The following LIPA variants were observed in gnomAD, a reference collection of about 807,000 sequenced individuals.
LIPA encodes the protein lysosomal acid lipase/cholesteryl ester hydrolase.
Under a neutral mutation model 40.6 loss-of-function variants are expected in LIPA, and 26 were observed. That is an observed-to-expected ratio of 0.64 (90% CI 0.47 to 0.89). The LOEUF (loss-of-function observed/expected upper bound fraction) is 0.89. Ranked by LOEUF, LIPA falls within the 40% of genes least tolerant of loss-of-function variation. The pLI is 0.00. For synonymous variants in LIPA, 188 were observed against 168.4 expected (o/e 1.12, Z -0.90); for missense variants, 455 against 479.6 (o/e 0.95, Z 0.48).
chr10:89,410,728 G>A (rs565988159), intron 2 of LIPA, among the ~76,000 whole-genome samples: 1 of 152,360 alleles, frequency 6.6e-6, no homozygotes, highest in South Asian at 2.1e-4. Context: ...ACCTCTGGGG[G>A]AACCCCCATT....
Position 89,219,347 on chromosome 10 carries a change from C to T in LIPA, c.894+3164G>A, listed in dbSNP as rs1218049745. The stretch of plus-strand genomic sequence containing the variant: ...CACTGGAAAACTACACTGGGATGGC[C>T]TTCTTCAAACAGGTGAGAGTACCTG... On this transcript the variant is annotated intron_variant, in intron 8 of 9. Transcript: ENST00000336233. Among the ~76,000 whole-genome samples the T allele has an allele frequency of 3.9e-5, 6 of 152,176 alleles. 1 individual carries two copies. The East Asian group carries it at 1.2e-3, about 29-fold the overall frequency.
chr10:89,364,658 A>C (rs1028573420), intron 2 of LIPA, among the ~76,000 whole-genome samples: 1 of 148,822 alleles, frequency 6.7e-6, no homozygotes, highest in Non-Finnish European at 1.5e-5. Context: ...TATACATATA[A>C]TATATATGTA....
chr10:89,290,488 A>G (rs992690377), intron 1 of LIPA, among the ~76,000 whole-genome samples: 1 of 151,536 alleles, frequency 6.6e-6, no homozygotes, highest in African/African-American at 2.5e-5. Flanking sequence ...TATTAATATA[A>G]GAAGACAGGA....
chr10:89,384,665 G>A lies in LIPA; in HGVS notation c.61+28126C>T, dbSNP rs376132564. ...CTTGGGCTTATCCACAAATTGAAAG[G>A]AGAAGTAAGTGATGCTTTGCTGTGC... On this transcript the variant is annotated intron_variant, in intron 2 of 8. Coordinates refer to the LIPA transcript ENST00000371837. 3.8e-5 allele frequency: 61 copies of A among 1,614,090 alleles called. No individual in the cohort carries two copies. Among genetic ancestry groups the A allele is most frequent in the Non-Finnish European group, 4.7e-5 (55 of 1,180,038 alleles).
intron 2 of LIPA, among the ~76,000 whole-genome samples, chr10:89,374,104 CT>C (rs1046902314): frequency 2.0e-5 from 3 of 152,314 alleles, no homozygotes; most frequent in Admixed American, 6.5e-5. Flanking sequence ...TTGTAAACCA[CT>C]GTTCAAGGCC....
chr10:89,275,033 T>C (rs1228476011), intron 1 of LIPA, among the ~76,000 whole-genome samples: 1 of 152,042 alleles, frequency 6.6e-6, no homozygotes, highest in African/African-American at 2.4e-5. Context: ...AGAAGTAGAG[T>C]TGAAACTGTC....
intron 2 of LIPA, among the ~76,000 whole-genome samples, chr10:89,376,996 C>T (rs1035196165): frequency 4.6e-5 from 7 of 152,202 alleles, no homozygotes; most frequent in Admixed American, 6.5e-5. Flanking sequence ...AGAGGGAAAT[C>T]GCTCTCAGTC....
At chr10:89,402,810 G>T in intron 2 of LIPA, 1 of 1,614,234 alleles carries the variant, frequency 6.2e-7, no homozygotes, top group Non-Finnish European at 8.5e-7. Context: ...TGAATCCAGC[G>T]CTGGGTATGC....
At chr10:89,397,878 A>T (rs1844367756) in intron 2 of LIPA, among the ~76,000 whole-genome samples, 1 of 152,240 alleles carries the variant, frequency 6.6e-6, no homozygotes, top group African/African-American at 2.4e-5. Context: ...TACCTTTGCC[A>T]TAAATAAATC....
intron 1 of LIPA, chr10:89,340,823 A>T (rs1843859981): frequency 6.6e-6 from 1 of 152,168 alleles, no homozygotes; most frequent in Non-Finnish European, 1.5e-5. Flanking sequence ...GAACTCAAAG[A>T]TTAACTTTTG....
chr10:89,239,699 T>C (rs1385159744), intron 3 of LIPA, among the ~76,000 whole-genome samples: 2 of 152,268 alleles, frequency 1.3e-5, no homozygotes. Context: ...GTGGTCTGTC[T>C]TGTTCACTGC....
At chr10:89,344,628 C>A (rs1459742785), upstream of LIPA, among the ~76,000 whole-genome samples, 3 of 149,328 alleles carry the variant, frequency 2.0e-5, no homozygotes, top group East Asian at 3.9e-4. Flanking sequence ...AAAAAAAAAA[C>A]CTCAAGTAGA....
chr10:89,339,201 TC>T (rs1215592777), intron 1 of LIPA: 1 of 1,614,090 alleles, frequency 6.2e-7, no homozygotes, highest in African/African-American at 1.3e-5. Flanking sequence ...CGATGTACCA[TC>T]TGGATAATCA....
At chr10:89,411,211 C>G (rs547814015) in intron 2 of LIPA, among the ~76,000 whole-genome samples, 1 of 152,142 alleles carries the variant, frequency 6.6e-6, no homozygotes. Context: ...AATTAATTCC[C>G]ATACAAAGGT....
intron 1 of LIPA, chr10:89,308,986 T>A (rs528506729): frequency 1.3e-5 from 2 of 152,358 alleles, no homozygotes; most frequent in Admixed American, 1.3e-4. Context: ...CAGCTACTGA[T>A]AAATGAAACG....
At chr10:89,383,964 A>G (rs1396852050) in intron 2 of LIPA, 1 of 1,614,220 alleles carries the variant, frequency 6.2e-7, no homozygotes, top group Non-Finnish European at 8.5e-7. Flanking sequence ...CAGATGATGT[A>G]TATATTAGGG....
intron 1 of LIPA, among the ~76,000 whole-genome samples, chr10:89,260,634 T>G (rs921918155): frequency 1.3e-4 from 20 of 152,034 alleles, no homozygotes; most frequent in African/African-American, 4.8e-4. Context: ...GGCCTCAGAG[T>G]CTCACAGGCC....
Position 89,389,364 on chromosome 10 carries a change from G to T in LIPA, c.61+23427C>A, listed in dbSNP as rs560554252. On this transcript the variant is annotated intron_variant, in intron 2 of 8. Coordinates refer to the LIPA transcript ENST00000371837. The stretch of plus-strand genomic sequence containing the variant: ...CACTACAATGCCTTCATTTAACTAT[G>T]ATTACCAAAAAACAAGTACAGTAGC... 9.6e-4 allele frequency among the ~76,000 whole-genome samples: 146 copies of T among 152,274 alleles called. 1 individual carries two copies. The highest frequency in any genetic ancestry group is 3.3e-3 in the African/African-American group (135 of 41,538).
chr10:89,248,845 A>C (rs1378384918), intron 1 of LIPA, among the ~76,000 whole-genome samples: 2 of 152,166 alleles, frequency 1.3e-5, no homozygotes, highest in Non-Finnish European at 2.9e-5. Context: ...TGACCTTTGG[A>C]GTCCAGCATA....
Sources: allele counts gnomAD v4.1 joint callset (sites outside exome capture counted in the v4.1 genomes callset), GRCh38; gene constraint gnomAD v4.1.1; transcripts MANE v1.5; gene names NCBI Gene and HGNC (gene_info 2026-07-23, HGNC 2026-07-21).